Variants in PLPP3 observed in about 807,000 individuals in gnomAD.
PLPP3 encodes PAP2 beta.
PLPP3 carries 6 observed loss-of-function variants against 29.6 expected under a neutral mutation model. That is an observed-to-expected ratio of 0.20 (90% CI 0.11 to 0.40). The LOEUF (loss-of-function observed/expected upper bound fraction) is 0.40. PLPP3 is among the 10% of genes least tolerant of loss of function. The probability of loss-of-function intolerance (pLI) is 1.00; values close to 1 mark genes in which losing one functional copy is unlikely to be tolerated. For missense variants in PLPP3, 308 were observed against 407.7 expected (o/e 0.76, Z 2.11); for synonymous variants, 152 against 159.7 (o/e 0.95, Z 0.36).
intron 5 of PLPP3, among the ~76,000 whole-genome samples, chr1:56,509,754 T>G (rs1215112558): frequency 6.7e-6 from 1 of 149,040 alleles, no homozygotes; most frequent in African/African-American, 2.5e-5. Flanking sequence ...GGGAAGAATC[T>G]TCAACCTGAG....
intron 1 of PLPP3, among the ~76,000 whole-genome samples, chr1:56,540,733 T>A (rs1645963485): frequency 1.3e-5 from 2 of 152,160 alleles, no homozygotes; most frequent in African/African-American, 2.4e-5. Flanking sequence ...CAGTCAAATC[T>A]TGATTTTGAT....
At chr1:56,540,715 G>C (rs1466464329) in intron 1 of PLPP3, among the ~76,000 whole-genome samples, 3 of 152,030 alleles carry the variant, frequency 2.0e-5, no homozygotes, top group Non-Finnish European at 4.4e-5. Flanking sequence ...TATTATTGAG[G>C]GTGATGCCAG....
At chr1:56,542,380 C>A (rs899545049) in intron 1 of PLPP3, among the ~76,000 whole-genome samples, 2 of 152,172 alleles carry the variant, frequency 1.3e-5, no homozygotes, top group African/African-American at 4.8e-5. Context: ...TTAAACACAG[C>A]CTCCTTCTCA....
Position 56,524,601 on chromosome 1 carries a change from T to A in PLPP3, c.298-47A>T. 6.4e-7 allele frequency: 1 copy of A among 1,570,834 alleles called. No homozygotes were observed. The highest frequency in any genetic ancestry group is 8.7e-7 in the Non-Finnish European group (1 of 1,145,812). ...AATTAGGCAGTATCAAGATTCATCA[T>A]CAACACTGATGCCGTAACGGATATT... On this transcript the variant is annotated intron_variant, in intron 2 of 5. Coordinates refer to ENST00000371250, the MANE Select transcript of PLPP3 (RefSeq NM_003713.5). The surrounding 1 kb of genome is among the most constrained non-coding windows in gnomAD (Gnocchi z 4.3).
At chr1:56,554,371 G>C (rs1462911805) in intron 1 of PLPP3, among the ~76,000 whole-genome samples, 1 of 152,008 alleles carries the variant, frequency 6.6e-6, no homozygotes, top group African/African-American at 2.4e-5. Context: ...AGGAGATAGA[G>C]ACCATCCTGG....
intron 4 of PLPP3, chr1:56,513,717 G>GA (rs941100417): frequency 2.0e-5 from 3 of 152,032 alleles, no homozygotes; most frequent in African/African-American, 7.2e-5. Flanking sequence ...AACTTAAGAG[G>GA]AAAAAATAAG....
intron 4 of PLPP3, 91 bp from the exon 5 acceptor site, chr1:56,512,243 A>G: frequency 8.2e-7 from 1 of 1,214,230 alleles, no homozygotes; most frequent in Non-Finnish European, 1.1e-6. Context: ...CATTTCTACG[A>G]ACAGGGATCA....
At chr1:56,528,323 C>T (rs1409341275) in intron 2 of PLPP3, among the ~76,000 whole-genome samples, 1 of 152,204 alleles carries the variant, frequency 6.6e-6, no homozygotes, top group African/African-American at 2.4e-5. Context: ...GCTCCTCTTC[C>T]TGTCTTTTCT....
chr1:56,573,086 T>C, intron 1 of PLPP3, among the ~76,000 whole-genome samples: 1 of 152,234 alleles, frequency 6.6e-6, no homozygotes, highest in East Asian at 1.9e-4. Flanking sequence ...AGGAATCTAA[T>C]TTATTCCTGC....
intron 1 of PLPP3, among the ~76,000 whole-genome samples, chr1:56,544,945 C>G (rs1645995108): frequency 6.6e-6 from 1 of 152,212 alleles, no homozygotes; most frequent in Non-Finnish European, 1.5e-5. Context: ...CAGCAATAGT[C>G]CCATCCATGC....
chr1:56,555,433 T>TAAAAAAAAAAAAAAAACAAA (rs1646068442), intron 1 of PLPP3, among the ~76,000 whole-genome samples: 1 of 33,216 alleles, frequency 3.0e-5, no homozygotes, highest in East Asian at 5.2e-4. Flanking sequence ...GGCCAAACAC[T>TAAAAAAAAAAAAAAAACAAA]AAAAAAAAAA....
At position 56,557,026 on chromosome 1, in the gene PLPP3, A is replaced by AGAGAGAAAGAG. The variant is rs1646085318; in HGVS notation, c.140-19915_140-19914insCTCTTTCTCTC. On this transcript the variant is annotated intron_variant, in intron 1 of 5. Coordinates refer to ENST00000371250, the MANE Select transcript of PLPP3 (RefSeq NM_003713.5). ...AGAAAGAAAGAGAGAGAGAGAGAGA[A>AGAGAGAAAGAG]AGAGAGAGAGAGAGAGAGAGAGAGA... is the stretch of plus-strand genomic sequence containing the variant. 1.5e-3 allele frequency among the ~76,000 whole-genome samples: 14 copies of AGAGAGAAAGAG among 9,530 alleles called. 3 individuals are homozygous for AGAGAGAAAGAG. The highest frequency in any genetic ancestry group is 3.5e-3 in the African/African-American group (14 of 4,034). The allele number at this position is 9,530 out of a possible 152,430, so 6.3% of individuals were successfully genotyped here.
intron 1 of PLPP3, among the ~76,000 whole-genome samples, chr1:56,572,731 G>A (rs1203188630): frequency 2.0e-5 from 3 of 152,082 alleles, no homozygotes; most frequent in Admixed American, 2.0e-4. Flanking sequence ...CCATTGAGGA[G>A]TAAGAAAACT....
chr1:56,555,448 A>AC (rs1206720115), intron 1 of PLPP3, among the ~76,000 whole-genome samples: 1,642 of 147,186 alleles, frequency 0.011, 49 homozygotes, highest in African/African-American at 0.04. Flanking sequence ...AAAAAAAAAA[A>AC]AAAAAAAAAA....
At chr1:56,513,327 G>A (rs1466554181) in intron 4 of PLPP3, 1 of 152,644 alleles carries the variant, frequency 6.6e-6, no homozygotes, top group Non-Finnish European at 1.5e-5. Context: ...GTTCCTGTGG[G>A]AACTTGGGAA....
At chr1:56,562,811 T>C (rs1646139404) in intron 1 of PLPP3, among the ~76,000 whole-genome samples, 1 of 152,222 alleles carries the variant, frequency 6.6e-6, no homozygotes, top group Non-Finnish European at 1.5e-5. Context: ...TGTGTGTCCA[T>C]CTTCTCATCT....
At position 56,495,181 on chromosome 1, in the gene PLPP3, T is replaced by G. The variant is rs1432264019; in HGVS notation, c.*1370A>C. On this transcript the variant is annotated 3_prime_UTR_variant, in exon 6 of 6. Transcript: ENST00000371250. ...AATCATAGCTTGCTATAAGTTGAAA[T>G]GAAAGGACGGATTCTGTAGTAAGGA... is the stretch of plus-strand genomic sequence containing the variant. 6.6e-6 allele frequency: 1 copy of G among 152,588 alleles called. No individual in the cohort carries two copies. The highest frequency in any genetic ancestry group is 6.5e-5 in the Admixed American group (1 of 15,280). The allele number at this position is 152,588 out of a possible 1,614,324, so 9.5% of individuals were successfully genotyped here. A position where few individuals can be genotyped will look rare whatever the true frequency, so the allele number is the denominator to read the frequency against.
chr1:56,547,386 C>A (rs1397082075), intron 1 of PLPP3, among the ~76,000 whole-genome samples: 1 of 152,070 alleles, frequency 6.6e-6, no homozygotes, highest in Non-Finnish European at 1.5e-5. Context: ...ATCGTTTTCT[C>A]CCCACTTTCT....
chr1:56,556,019 T>C (rs112136552), intron 1 of PLPP3, among the ~76,000 whole-genome samples: 3 of 152,298 alleles, frequency 2.0e-5, no homozygotes, highest in African/African-American at 7.2e-5. Flanking sequence ...AAACAGGATG[T>C]GATGAAAATG....
Sources: gnomAD v4.1 joint callset for allele counts (sites outside exome capture counted in the v4.1 genomes callset) on GRCh38, gnomAD v4.1.1 for gene constraint, Gnocchi (gnomAD v3.1) non-coding constraint, MANE v1.5 for transcripts, NCBI Gene and HGNC (gene_info 2026-07-23, HGNC 2026-07-21) for gene names.